CNTN5: variants seen among roughly 807,000 people sequenced by gnomAD.
CNTN5 encodes the protein contactin 5.
A neutral mutation model predicts 129.1 loss-of-function variants in CNTN5; 77 were observed. The observed-to-expected ratio is 0.60, with a 90% CI of 0.50 to 0.72. The LOEUF is 0.72. Among genes scored for constraint, CNTN5 ranks in the 30% least tolerant of loss-of-function variants. CNTN5 has a pLI of 0.00. For missense variants in CNTN5, 1,478 were observed against 1,328.8 expected, an observed-to-expected ratio of 1.11 and a Z score of -1.75; for synonymous variants, 509 against 465.6, an observed-to-expected ratio of 1.09 and a Z score of -1.20.
chr11:99,688,333 A>G (rs908043057), intron 3 of CNTN5, among the ~76,000 whole-genome samples: 8 of 152,288 alleles, frequency 5.3e-5, no homozygotes, highest in Non-Finnish European at 7.4e-5. Context: ...TGAAGCCATC[A>G]TGCCCAGCCA....
intron 6 of CNTN5, among the ~76,000 whole-genome samples, chr11:99,886,311 A>T (rs570884521): frequency 6.6e-6 from 1 of 152,238 alleles, no homozygotes; most frequent in East Asian, 1.9e-4. Flanking sequence ...GTGATTAGTA[A>T]TCAAAATATA....
At chr11:99,471,091 A>G (rs1311606039) in intron 2 of CNTN5, among the ~76,000 whole-genome samples, 1 of 152,086 alleles carries the variant, frequency 6.6e-6, no homozygotes, top group African/African-American at 2.4e-5. Context: ...CCATTTCACA[A>G]ACTTTCCAGA....
intron 2 of CNTN5, among the ~76,000 whole-genome samples, chr11:99,455,369 A>T (rs920131779): frequency 2.0e-5 from 3 of 152,182 alleles, no homozygotes; most frequent in Non-Finnish European, 4.4e-5. Flanking sequence ...GTGGGCAACT[A>T]GAAATAAAAG....
intron 10 of CNTN5, among the ~76,000 whole-genome samples, chr11:100,064,344 T>C (rs1044547174): frequency 1.3e-5 from 2 of 152,156 alleles, no homozygotes; most frequent in Non-Finnish European, 2.9e-5. Context: ...AAGTGCTATA[T>C]AGATAGTACA....
At chr11:99,737,594 T>C (rs747682752) in intron 3 of CNTN5, among the ~76,000 whole-genome samples, 13 of 152,140 alleles carry the variant, frequency 8.5e-5, no homozygotes, top group Non-Finnish European at 1.6e-4. Context: ...GAAAAAATAA[T>C]CCAAGCATAT....
At chr11:99,450,177 A>G (rs1944241030) in intron 2 of CNTN5, among the ~76,000 whole-genome samples, 1 of 151,926 alleles carries the variant, frequency 6.6e-6, no homozygotes, top group African/African-American at 2.4e-5. Flanking sequence ...AGTTAAGAAA[A>G]TGAAGATTTT....
chr11:99,904,439 G>A (rs1239465203), intron 6 of CNTN5, among the ~76,000 whole-genome samples: 2 of 152,108 alleles, frequency 1.3e-5, no homozygotes, highest in Admixed American at 1.3e-4. Flanking sequence ...ATGGTTTCCA[G>A]CTTCATCCAT....
At chr11:99,963,160 T>A (rs893192130) in intron 8 of CNTN5, among the ~76,000 whole-genome samples, 1 of 152,298 alleles carries the variant, frequency 6.6e-6, no homozygotes, top group South Asian at 2.1e-4. Context: ...CTCTTTAGTT[T>A]AATTAGATCC....
chr11:99,712,240 C>T (rs573540949), intron 3 of CNTN5, among the ~76,000 whole-genome samples: 46 of 152,172 alleles, frequency 3.0e-4, no homozygotes, highest in African/African-American at 1.1e-3. Flanking sequence ...TGATGATGAG[C>T]ATTCTTTCAT....
At chr11:100,071,931 A>G in intron 12 of CNTN5, 97 bp downstream of exon 12, 1 of 1,129,408 alleles carries the variant, frequency 8.9e-7, no homozygotes, top group Non-Finnish European at 1.2e-6. Context: ...GTGGTTGTAA[A>G]AATCTATTTT....
At chr11:100,227,813 T>C (rs1343798022) in intron 16 of CNTN5, among the ~76,000 whole-genome samples, 1 of 152,158 alleles carries the variant, frequency 6.6e-6, no homozygotes, top group Admixed American at 6.5e-5. Flanking sequence ...GGAACCTTTT[T>C]AAAGATGAGT....
chr11:99,337,753 G>A (rs207472246), intron 2 of CNTN5, among the ~76,000 whole-genome samples: 7 of 151,948 alleles, frequency 4.6e-5, no homozygotes, highest in African/African-American at 1.2e-4. Flanking sequence ...ATATTTTTCC[G>A]GGACTATCTA....
intron 3 of CNTN5, among the ~76,000 whole-genome samples, chr11:99,776,282 C>G (rs1945121376): frequency 6.6e-6 from 1 of 151,948 alleles, no homozygotes; most frequent in Non-Finnish European, 1.5e-5. Context: ...CAGAAACTAA[C>G]TCTTAAGGAG....
chr11:99,229,936 A>C (rs1860902041), intron 1 of CNTN5, among the ~76,000 whole-genome samples: 1 of 151,932 alleles, frequency 6.6e-6, no homozygotes, highest in Admixed American at 6.6e-5. Flanking sequence ...TTGCACATTA[A>C]TGGAAAAATA....
chr11:100,169,628 C>G (rs1299015459), intron 13 of CNTN5, among the ~76,000 whole-genome samples: 1 of 151,938 alleles, frequency 6.6e-6, no homozygotes. Flanking sequence ...CACTTAACCA[C>G]AGTATAGTAT....
intron 13 of CNTN5, among the ~76,000 whole-genome samples, chr11:100,156,468 TTTG>T (rs1371282327): frequency 6.6e-6 from 1 of 152,056 alleles, no homozygotes; most frequent in Admixed American, 6.6e-5. Flanking sequence ...ATTATCTTTT[TTTG>T]TTGTGCCTCT....
intron 13 of CNTN5, among the ~76,000 whole-genome samples, chr11:100,108,433 G>A (rs1051004713): frequency 6.6e-6 from 1 of 152,156 alleles, no homozygotes; most frequent in South Asian, 2.1e-4. Flanking sequence ...GGAAGGAAAA[G>A]AAAGGGTCAA....
intron 7 of CNTN5, among the ~76,000 whole-genome samples, chr11:99,935,107 A>T (rs1950286085): frequency 6.6e-6 from 1 of 151,138 alleles, no homozygotes; most frequent in Admixed American, 6.6e-5. Context: ...CAATATAATT[A>T]AATTTTATAC....
intron 1 of CNTN5, among the ~76,000 whole-genome samples, chr11:99,189,140 A>C (rs1858504102): frequency 6.6e-6 from 1 of 151,672 alleles, no homozygotes; most frequent in Admixed American, 6.6e-5. Context: ...TCCCAGTTCA[A>C]CCATGTTACA....
Sources: gnomAD v4.1 joint callset for allele counts (sites outside exome capture counted in the v4.1 genomes callset) on GRCh38, gnomAD v4.1.1 for gene constraint, MANE v1.5 for transcripts, NCBI Gene and HGNC (gene_info 2026-07-23, HGNC 2026-07-21) for gene names.